The following ADGRV1 variants were observed in gnomAD, a reference collection of about 807,000 sequenced individuals.
The protein encoded by ADGRV1 is adhesion G protein-coupled receptor V1.
Under a neutral mutation model 596.2 loss-of-function variants are expected in ADGRV1, and 359 were observed. The observed-to-expected ratio is 0.60, with a 90% CI of 0.55 to 0.66. ADGRV1 has a LOEUF of 0.66. Ranked by LOEUF, ADGRV1 falls within the 30% of genes least tolerant of loss-of-function variation. The pLI is 0.00. For synonymous variants in ADGRV1, 2,681 were observed against 2,679.2 expected (o/e 1.00, Z -0.02); for missense variants, 7,274 against 7,575.6 (o/e 0.96, Z 1.48).
In ADGRV1 at chr5:90,783,912, G is replaced by A. The variant is rs920558004; in HGVS notation, c.13508G>A (p.Ser4503Asn). 6.8e-6 allele frequency: 11 copies of A among 1,612,278 alleles called. No homozygotes were observed. Among genetic ancestry groups the A allele is most frequent in the Admixed American group, 1.7e-5 (1 of 59,778 alleles). ...GCGGTCCTTGGGCGCCACCTAGTGA[G>A]CAGAATCATAATAGCTAAGAGTGAC... ...GGAVLGRHLV[S>N]RIIIAKSDSP... The change falls in exon 67 of 90, where the codon AGC becomes AAC. Residue 4503 changes from serine to asparagine, a missense_variant. By Grantham distance (46) the Ser-to-Asn change is conservative. Coordinates refer to ENST00000405460, the MANE Select transcript of ADGRV1 (RefSeq NM_032119.4).
chr5:90,597,922 T>G (rs1760904615), intron 1 of ADGRV1, among the ~76,000 whole-genome samples: 1 of 152,150 alleles, frequency 6.6e-6, no homozygotes, highest in African/African-American at 2.4e-5. Flanking sequence ...TAAAATCTTT[T>G]AAATGTTTGA....
rs1267135127 is a variant in ADGRV1, at chr5:90,791,329, G to T, written c.14500G>T (p.Val4834Leu). 6.4e-7 allele frequency: 1 copy of T among 1,564,908 alleles called. No homozygotes were observed. Among genetic ancestry groups the T allele is most frequent in the Non-Finnish European group, 8.7e-7 (1 of 1,153,506 alleles). The change falls in exon 70 of 90, where the codon GTG (valine) becomes TTG (leucine). Residue 4834 changes from valine to leucine, a missense_variant. Transcript: ENST00000405460. ...TGGTGCCACATATAAAGTGGACGTG[G>T]TGCCAATAAAGAATCAGGTTTGTGG... ...KDGATYKVDV[V>L]PIKNQVFLSL... is the part of the protein sequence containing the mutation.
At chr5:90,779,137 C>CAGAGAGAA in intron 64 of ADGRV1, 40 bp downstream of exon 64, 1 of 1,259,340 alleles carries the variant, frequency 7.9e-7, no homozygotes, top group South Asian at 1.3e-5. Flanking sequence ...AAGCAAAGAG[C>CAGAGAGAA]AGAGAGAAAG....
rs1281631057 is a variant in ADGRV1, at chr5:90,564,630, T to A, written c.22+5713T>A. ...GGCGTTTAATATATATATATATTTT[T>A]TTTTTTTTTTTTTTGAGACGGAGTC... On this transcript the variant is annotated intron_variant, in intron 1 of 89. Coordinates refer to ENST00000405460, the MANE Select transcript of ADGRV1 (RefSeq NM_032119.4). 3.4e-4 allele frequency among the ~76,000 whole-genome samples: 25 copies of A among 73,256 alleles called. 7 individuals carry two copies. Among genetic ancestry groups the A allele is most frequent in the African/African-American group, 1.0e-3 (13 of 12,390 alleles). The allele number at this position is 73,256 out of a possible 152,430, so 48.1% of individuals were successfully genotyped here.
At chr5:90,636,612 G>T (rs1404129916) in intron 10 of ADGRV1, among the ~76,000 whole-genome samples, 3 of 152,096 alleles carry the variant, frequency 2.0e-5, no homozygotes, top group African/African-American at 7.2e-5. Context: ...CTTCCCTGTT[G>T]GGAAACAGCA....
rs570193731 is a variant in ADGRV1, at chr5:90,778,399, C to T, written c.12667-28C>T. The T allele has an allele frequency of 7.0e-5, 111 of 1,595,766 alleles. No individual in the cohort carries two copies. In the South Asian group the frequency reaches 1.1e-3, roughly 16 times the overall value. On this transcript the variant is annotated intron_variant, in intron 62 of 89. Transcript: ENST00000405460. Reference sequence around the variant, plus strand: ...TTTTCTTGAAATTCCACAGATTCTACTGTTGATGACTCTTTGTCTTTTTCT... The same window carrying T: ...TTTTCTTGAAATTCCACAGATTCTATTGTTGATGACTCTTTGTCTTTTTCT...
chr5:90,778,497 G>A lies in ADGRV1; in HGVS notation c.12737G>A (p.Gly4246Glu), dbSNP rs1410501914. 6.2e-7 allele frequency: 1 copy of A among 1,612,960 alleles called. No individual in the cohort carries two copies. Among genetic ancestry groups the A allele is most frequent in the Admixed American group, 1.7e-5 (1 of 59,880 alleles). The stretch of plus-strand genomic sequence containing the variant: ...CAGCTCACTGCAGTCAGTGAGGGAG[G>A]AGTTCTGAGTGAATCCAGCAGCACT... ...EFQLTAVSEG[G>E]VLSESSSTAN... Residue 4246 changes from glycine (G) to glutamate (E), a missense_variant, in exon 63 of 90, where the codon GGA (glycine) becomes GAA (glutamate). By Grantham distance (98) the Gly-to-Glu change is moderately conservative. Coordinates refer to ENST00000405460, the MANE Select transcript of ADGRV1 (RefSeq NM_032119.4).
chr5:90,757,263 A>G, intron 57 of ADGRV1, 102 bp downstream of exon 57: 1 of 821,068 alleles, frequency 1.2e-6, no homozygotes, highest in African/African-American at 1.7e-5. Context: ...AATGCATTAT[A>G]CTCTAAATGT....
chr5:91,035,034 C>G (rs1028099039), intron 85 of ADGRV1, among the ~76,000 whole-genome samples: 6 of 152,168 alleles, frequency 3.9e-5, no homozygotes, highest in African/African-American at 1.4e-4. Context: ...ACTGGGATTT[C>G]AGATGTGAGC....
chr5:91,036,744 T>C (rs2151256846), intron 85 of ADGRV1, among the ~76,000 whole-genome samples: 1 of 152,124 alleles, frequency 6.6e-6, no homozygotes, highest in East Asian at 1.9e-4. Context: ...ATATTATTAA[T>C]TGTTTTTAAA....
intron 82 of ADGRV1, 24 bp downstream of exon 82, chr5:90,855,925 A>C: frequency 6.5e-7 from 1 of 1,548,064 alleles, no homozygotes. Flanking sequence ...TTTTTGAATC[A>C]ATGGTTATAA....
At chr5:90,724,733 A>T in intron 45 of ADGRV1, 99 bp from the exon 46 acceptor site, 1 of 1,021,584 alleles carries the variant, frequency 9.8e-7, no homozygotes, top group Non-Finnish European at 1.5e-6. Context: ...TTTCATTTGT[A>T]GTCACAAATG....
chr5:90,660,032 G>GAA lies in ADGRV1; in HGVS notation c.4752+1764_4752+1765dup, dbSNP rs992315361. Among the ~76,000 whole-genome samples, 30 of 140,542 alleles carry GAA rather than the reference G, an allele frequency of 2.1e-4. No homozygotes were observed. In the South Asian group the frequency reaches 6.3e-3, roughly 30 times the overall value. The allele number at this position is 140,542 out of a possible 152,430, so 92.2% of individuals were successfully genotyped here. ...GGGTGACACAAGACTCTGTCTCAGA[G>GAA]AAAAAAAAAAAGAAAAAGAAAAAGA... On this transcript the variant is annotated intron_variant, in intron 21 of 89. Transcript: ENST00000405460.
chr5:90,726,619 C>T (rs2149802154), intron 48 of ADGRV1, among the ~76,000 whole-genome samples: 1 of 151,426 alleles, frequency 6.6e-6, no homozygotes, highest in South Asian at 2.1e-4. Context: ...TAACACACTA[C>T]ACAAATTTTC....
chr5:90,637,870 G>A lies in ADGRV1; in HGVS notation c.2162G>A (p.Ser721Asn), dbSNP rs748557286. Reference protein sequence around the residue: ...NGSVLFLSGQSDTTINITIKG... With the variant: ...NGSVLFLSGQNDTTINITIKG... ...TCTGTTTTGTTTTTATCTGGGCAAA[G>A]TGACACAACAATCAACATTACTATC... Residue 721 changes from serine (S) to asparagine (N), a missense_variant, in exon 11 of 90, where the codon AGT becomes AAT. Physicochemically the swap from Ser to Asn is conservative, Grantham distance 46. Around this residue, in one of 5 missense-constraint regions of ADGRV1, gnomAD observed 1,715 missense variants for 1,708.8 expected, o/e 1.00. Coordinates refer to ENST00000405460, the MANE Select transcript of ADGRV1 (RefSeq NM_032119.4). The A allele has an allele frequency of 6.2e-7, 1 of 1,613,636 alleles. No individual in the cohort carries two copies. Among genetic ancestry groups the A allele is most frequent in the Admixed American group, 1.7e-5 (1 of 59,938 alleles).
intron 59 of ADGRV1, among the ~76,000 whole-genome samples, chr5:90,768,653 T>C (rs1430711845): frequency 2.6e-5 from 4 of 152,164 alleles, no homozygotes; most frequent in African/African-American, 9.7e-5. Flanking sequence ...CAGTCCTACC[T>C]TGGTAACAGG....
In ADGRV1 at chr5:90,755,028, T is replaced by G. The variant is rs368368243; in HGVS notation, c.11423T>G (p.Leu3808Arg). 2 of 1,613,268 alleles carry G rather than the reference T, an allele frequency of 1.2e-6. No homozygotes were observed. The highest frequency in any genetic ancestry group is 2.7e-5 in the African/African-American group (2 of 74,910). ...TTACAAATAGCTCGAGATAAAGGAC[T>G]ACTTGGGGATATTGCCATTCACTTG... Reference protein sequence around the residue: ...LQLQIARDKGLLGDIAIHLRA... With the variant: ...LQLQIARDKGRLGDIAIHLRA... The change falls in exon 55 of 90, where the codon CTA becomes CGA. Residue 3808 changes from leucine (L) to arginine (R), a missense_variant. This residue lies in a region of ADGRV1 where 3,643 missense variants were observed against 3,809.2 expected (regional missense o/e 0.96). Transcript: ENST00000405460.
intron 11 of ADGRV1, among the ~76,000 whole-genome samples, chr5:90,639,159 C>T (rs1030285603): frequency 4.0e-5 from 6 of 151,700 alleles, no homozygotes; most frequent in Admixed American, 6.6e-5. Flanking sequence ...GTTTCAGACT[C>T]GATCTTAAGA....
At chr5:90,777,531 A>G (rs1397273781) in intron 61 of ADGRV1, among the ~76,000 whole-genome samples, 1 of 152,210 alleles carries the variant, frequency 6.6e-6, no homozygotes, top group Non-Finnish European at 1.5e-5. Flanking sequence ...ATCCCTTCCC[A>G]TCAGCATGCC....
Sources: allele counts gnomAD v4.1 joint callset (sites outside exome capture counted in the v4.1 genomes callset), GRCh38; gene constraint gnomAD v4.1.1; regional missense constraint gnomAD v4.1.1; transcripts MANE v1.5; gene names NCBI Gene and HGNC (gene_info 2026-07-23, HGNC 2026-07-21).